Variants in C17orf100 observed in about 807,000 individuals in gnomAD.
C17orf100 encodes the protein chromosome 17 open reading frame 100, also known as uncharacterized protein C17orf100.
C17orf100 carries 1 observed loss-of-function variant against 0.7 expected under a neutral mutation model. That is an observed-to-expected ratio of 1.50 (90% confidence interval 0.53 to 7.13). The LOEUF is 7.13. C17orf100 is among the 30% of genes most tolerant of loss of function. The probability of loss-of-function intolerance (pLI) is 0.14; values close to 1 mark genes in which losing one functional copy is unlikely to be tolerated. For missense variants in C17orf100, 168 were observed against 171.5 expected, an observed-to-expected ratio of 0.98 and a Z score of 0.11; for synonymous variants, 87 against 84.0, an observed-to-expected ratio of 1.04 and a Z score of -0.20.
rs181340378 is a variant in C17orf100, at chr17:6,652,077, C to A, written c.164C>A (p.Pro55His). 1.3e-5 allele frequency: 20 copies of A among 1,572,218 alleles called. No homozygotes were observed. Among genetic ancestry groups the A allele is most frequent in the Non-Finnish European group, 1.6e-5 (19 of 1,162,546 alleles). ...CGCAGCGAGGGGCCCTCCCTCTCCC[C>A]CTCGGGGAAGCGGCTCCCTCGCATC... ...QRRSEGPSLS[P>H]SGKRLPRILE... The change falls in exon 1 of 1, where the codon CCC becomes CAC. Residue 55 changes from proline to histidine, a missense_variant. Pro to His is a moderately conservative substitution (Grantham distance 77, BLOSUM62 -2). Transcript: ENST00000542475.
rs561680716 is a variant in C17orf100, at chr17:6,653,370, G to C, written c.*1100G>C. 1 of 162,894 alleles carries C rather than the reference G, an allele frequency of 6.1e-6. No individual in the cohort carries two copies. Among genetic ancestry groups the C allele is most frequent in the African/African-American group, 2.4e-5 (1 of 41,582 alleles). 10.1% of individuals were successfully genotyped at this position (162,894 alleles called of 1,614,324 possible). On this transcript the variant is annotated 3_prime_UTR_variant, in exon 1 of 1. Coordinates refer to ENST00000542475, the MANE Select transcript of C17orf100 (RefSeq NM_001105520.2). Reference sequence around the variant, plus strand: ...TAAAAAAGGCAAAGTCCCAGCTCTAGTGGAGCTTACACTCTGGTGAAAAGG... The same window carrying C: ...TAAAAAAGGCAAAGTCCCAGCTCTACTGGAGCTTACACTCTGGTGAAAAGG...
In C17orf100 at chr17:6,652,108, G is replaced by A; in HGVS notation, c.195G>A (p.Glu65=). The change falls in exon 1 of 1, where the codon GAG becomes GAA. Residue 65 remains glutamate, a synonymous_variant. Coordinates refer to ENST00000542475, the MANE Select transcript of C17orf100 (RefSeq NM_001105520.2). The part of the protein sequence containing the change: ...PSGKRLPRIL[E]ASSRHVESSS... ...GGAAGCGGCTCCCTCGCATCCTCGA[G>A]GCGTCCTCCCGGCACGTGGAATCCT... 1 of 1,587,702 alleles carries A rather than the reference G, an allele frequency of 6.3e-7. No individual in the cohort carries two copies. The highest frequency in any genetic ancestry group is 1.1e-5 in the South Asian group (1 of 88,146).
In C17orf100 at chr17:6,652,424, G is replaced by T. The variant is rs148446783; in HGVS notation, c.*154G>T. ...AATCAATGTAAGAAACAGCCAAGCC[G>T]CAGTTTCTGAACACAGCCAACGTTT... On this transcript the variant is annotated 3_prime_UTR_variant, in exon 1 of 1. Transcript: ENST00000542475. 26 of 1,499,552 alleles carry T rather than the reference G, an allele frequency of 1.7e-5. No individual in the cohort carries two copies. The East Asian group carries it at 5.4e-4, about 31-fold the overall frequency. The allele number at this position is 1,499,552 out of a possible 1,614,324, so 92.9% of individuals were successfully genotyped here.
At position 6,652,326 on chromosome 17, in the gene C17orf100, G is replaced by T; in HGVS notation, c.*56G>T. ...CAGGGCCCTCAGCCAGGACAGAAAG[G>T]CCTCCAGTTGCCAGCCAGCCAGCCA... On this transcript the variant is annotated 3_prime_UTR_variant, in exon 1 of 1. Transcript: ENST00000542475. 1 of 1,599,316 alleles carries T rather than the reference G, an allele frequency of 6.3e-7. No individual in the cohort carries two copies. The highest frequency in any genetic ancestry group is 8.5e-7 in the Non-Finnish European group (1 of 1,174,304).
rs1972848095 is a variant in C17orf100 at position 6,652,105 on chromosome 17, C to T, written c.192C>T (p.Leu64=). ...SPSGKRLPRI[L]EASSRHVESS... Reference sequence around the variant, plus strand: ...CGGGGAAGCGGCTCCCTCGCATCCTCGAGGCGTCCTCCCGGCACGTGGAAT... The same window carrying T: ...CGGGGAAGCGGCTCCCTCGCATCCTTGAGGCGTCCTCCCGGCACGTGGAAT... The change falls in exon 1 of 1, where the codon CTC becomes CTT. Residue 64 remains leucine (L), a synonymous_variant. Coordinates refer to ENST00000542475, the MANE Select transcript of C17orf100 (RefSeq NM_001105520.2). The T allele has an allele frequency of 4.4e-6, 7 of 1,585,964 alleles. No homozygotes were observed. The East Asian group carries it at 6.9e-5, about 16-fold the overall frequency.
At position 6,652,441 on chromosome 17, in the gene C17orf100, C is replaced by T; in HGVS notation, c.*171C>T. On this transcript the variant is annotated 3_prime_UTR_variant, in exon 1 of 1. Transcript: ENST00000542475. ...GCCAAGCCGCAGTTTCTGAACACAG[C>T]CAACGTTTACTGACCGTCCTGCGTC... The T allele has an allele frequency of 2.0e-6, 3 of 1,483,164 alleles. No individual in the cohort carries two copies. The highest frequency in any genetic ancestry group is 1.8e-4 in the Middle Eastern group (1 of 5,640). The allele number at this position is 1,483,164 out of a possible 1,614,324, so 91.9% of individuals were successfully genotyped here. A position where few individuals can be genotyped will look rare whatever the true frequency, so the allele number is the denominator to read the frequency against.
chr17:6,651,843 C>T lies in C17orf100; in HGVS notation c.-71C>T. The stretch of plus-strand genomic sequence containing the variant: ...GCTATGGCAGTACCGTAGTTTTCCT[C>T]TCTTCTGCCTGCGGTGACCATTGGG... On this transcript the variant is annotated 5_prime_UTR_variant, in exon 1 of 1. Coordinates refer to ENST00000542475, the MANE Select transcript of C17orf100 (RefSeq NM_001105520.2). 6.9e-7 allele frequency: 1 copy of T among 1,446,594 alleles called. No homozygotes were observed. The highest frequency in any genetic ancestry group is 9.1e-7 in the Non-Finnish European group (1 of 1,102,116). The allele number at this position is 1,446,594 out of a possible 1,614,324, so 89.6% of individuals were successfully genotyped here. A position where few individuals can be genotyped will look rare whatever the true frequency, so the allele number is the denominator to read the frequency against.
Position 6,651,803 on chromosome 17 carries a change from G to A in C17orf100, c.-111G>A. The A allele has an allele frequency of 6.9e-7, 1 of 1,442,692 alleles. No homozygotes were observed. The highest frequency in any genetic ancestry group is 9.1e-7 in the Non-Finnish European group (1 of 1,103,074). The allele number at this position is 1,442,692 out of a possible 1,614,324, so 89.4% of individuals were successfully genotyped here. A position where few individuals can be genotyped will look rare whatever the true frequency, so the allele number is the denominator to read the frequency against. The stretch of plus-strand genomic sequence containing the variant: ...GACCATGGTGCTTCCACGTCATCGT[G>A]TTGTGGCGCTCCCGGCTATGGCAGT... On this transcript the variant is annotated 5_prime_UTR_variant, in exon 1 of 1. Transcript: ENST00000542475.
chr17:6,652,376 C>T lies in C17orf100; in HGVS notation c.*106C>T. On this transcript the variant is annotated 3_prime_UTR_variant, in exon 1 of 1. Coordinates refer to ENST00000542475, the MANE Select transcript of C17orf100 (RefSeq NM_001105520.2). ...AGCTGCCAGGTGGACCAATCATTTT[C>T]GGTTTCATGGAAACAAACCATAAAT... The T allele has an allele frequency of 6.5e-7, 1 of 1,547,690 alleles. No individual in the cohort carries two copies. The highest frequency in any genetic ancestry group is 8.7e-7 in the Non-Finnish European group (1 of 1,148,574).
At position 6,651,926 on chromosome 17, in the gene C17orf100, C is replaced by G; in HGVS notation, c.13C>G (p.Arg5Gly). MASA[R>G]GAKQSSPRVG... ...TCACGCCGGCAGAATGGCCTCAGCC[C>G]GAGGGGCCAAGCAGTCTTCGCCCCG... is the stretch of plus-strand genomic sequence containing the variant. Residue 5 changes from arginine to glycine, a missense_variant, in exon 1 of 1, where the codon CGA (arginine) becomes GGA (glycine). Coordinates refer to ENST00000542475, the MANE Select transcript of C17orf100 (RefSeq NM_001105520.2). 6.7e-7 allele frequency: 1 copy of G among 1,493,886 alleles called. No homozygotes were observed. The highest frequency in any genetic ancestry group is 9.0e-7 in the Non-Finnish European group (1 of 1,116,680). 92.5% of individuals were successfully genotyped at this position (1,493,886 alleles called of 1,614,324 possible).
In C17orf100 at chr17:6,653,245, A is replaced by C. The variant is rs1470029912; in HGVS notation, c.*975A>C. 6.0e-6 allele frequency: 1 copy of C among 167,118 alleles called. No individual in the cohort carries two copies. Among genetic ancestry groups the C allele is most frequent in the Admixed American group, 6.5e-5 (1 of 15,292 alleles). The allele number at this position is 167,118 out of a possible 1,614,324, so 10.4% of individuals were successfully genotyped here. On this transcript the variant is annotated 3_prime_UTR_variant, in exon 1 of 1. Transcript: ENST00000542475. ...TAAGAGTACTTAAAGTACTATTTCT[A>C]CTGAATGTCACTTTTGTACCATTGT... is the stretch of plus-strand genomic sequence containing the variant.
In C17orf100 at chr17:6,652,693, A is replaced by C; in HGVS notation, c.*423A>C. 1 of 229,692 alleles carries C rather than the reference A, an allele frequency of 4.4e-6. No individual in the cohort carries two copies. Among genetic ancestry groups the C allele is most frequent in the Non-Finnish European group, 9.1e-6 (1 of 109,400 alleles). The allele number at this position is 229,692 out of a possible 1,614,324, so 14.2% of individuals were successfully genotyped here. A position where few individuals can be genotyped will look rare whatever the true frequency, so the allele number is the denominator to read the frequency against. On this transcript the variant is annotated 3_prime_UTR_variant, in exon 1 of 1. Coordinates refer to ENST00000542475, the MANE Select transcript of C17orf100 (RefSeq NM_001105520.2). The stretch of plus-strand genomic sequence containing the variant: ...GTGGAATGATTCCATGCCTGCTAAA[A>C]ACTCGAGGGACAAGGAACAGACTCA...
Position 6,652,357 on chromosome 17 carries a change from C to G in C17orf100, c.*87C>G, listed in dbSNP as rs1389012918. ...AGTTGCCAGCCAGCCAGCCAGCTGC[C>G]AGGTGGACCAATCATTTTCGGTTTC... On this transcript the variant is annotated 3_prime_UTR_variant, in exon 1 of 1. Coordinates refer to ENST00000542475, the MANE Select transcript of C17orf100 (RefSeq NM_001105520.2). 12 of 1,568,750 alleles carry G rather than the reference C, an allele frequency of 7.6e-6. No homozygotes were observed. The highest frequency in any genetic ancestry group is 1.0e-5 in the Non-Finnish European group (12 of 1,159,412).
chr17:6,652,947 G>A lies in C17orf100; in HGVS notation c.*677G>A, dbSNP rs575703422. 6.0e-6 allele frequency: 1 copy of A among 167,318 alleles called. No individual in the cohort carries two copies. Among genetic ancestry groups the A allele is most frequent in the South Asian group, 2.1e-4 (1 of 4,828 alleles). The allele number at this position is 167,318 out of a possible 1,614,324, so 10.4% of individuals were successfully genotyped here. On this transcript the variant is annotated 3_prime_UTR_variant, in exon 1 of 1. Coordinates refer to ENST00000542475, the MANE Select transcript of C17orf100 (RefSeq NM_001105520.2). ...GATGGAGAAGAGTTATATTTATTGA[G>A]AACCGGCTCTGTGCCAGGCACTAGA...
At position 6,651,960 on chromosome 17, in the gene C17orf100, C is replaced by A. The variant is rs1417725244; in HGVS notation, c.47C>A (p.Thr16Asn). ...GAKQSSPRVG[T>N]TRYTETSTVR... ...AAGCAGTCTTCGCCCCGGGTGGGGA[C>A]CACCCGCTACACAGAGACGTCCACG... The change falls in exon 1 of 1, where the codon ACC (threonine) becomes AAC (asparagine). Residue 16 changes from threonine to asparagine, a missense_variant. Transcript: ENST00000542475. 2 of 1,533,306 alleles carry A rather than the reference C, an allele frequency of 1.3e-6. No homozygotes were observed. Among genetic ancestry groups the A allele is most frequent in the African/African-American group, 2.7e-5 (2 of 72,920 alleles). The allele number at this position is 1,533,306 out of a possible 1,614,324, so 95.0% of individuals were successfully genotyped here.
Position 6,651,979 on chromosome 17 carries a change from G to T in C17orf100, c.66G>T (p.Thr22=), listed in dbSNP as rs774237233. The T allele has an allele frequency of 1.3e-6, 2 of 1,550,650 alleles. No individual in the cohort carries two copies. The highest frequency in any genetic ancestry group is 1.7e-6 in the Non-Finnish European group (2 of 1,146,488). ...TGGGGACCACCCGCTACACAGAGAC[G>T]TCCACGGTCCGCGTGGAGACCTCGT... The part of the protein sequence containing the change: ...PRVGTTRYTE[T]STVRVETSSH... Residue 22 remains threonine (T), a synonymous_variant, in exon 1 of 1, where the codon ACG becomes ACT. Coordinates refer to ENST00000542475, the MANE Select transcript of C17orf100 (RefSeq NM_001105520.2).
Position 6,652,694 on chromosome 17 carries a change from A to C in C17orf100, c.*424A>C. 4.5e-6 allele frequency: 1 copy of C among 223,650 alleles called. No individual in the cohort carries two copies. The highest frequency in any genetic ancestry group is 9.5e-6 in the Non-Finnish European group (1 of 105,816). 13.9% of individuals were successfully genotyped at this position (223,650 alleles called of 1,614,324 possible). A position where few individuals can be genotyped will look rare whatever the true frequency, so the allele number is the denominator to read the frequency against. On this transcript the variant is annotated 3_prime_UTR_variant, in exon 1 of 1. Transcript: ENST00000542475. ...TGGAATGATTCCATGCCTGCTAAAA[A>C]CTCGAGGGACAAGGAACAGACTCAT...
Position 6,652,698 on chromosome 17 carries a change from G to C in C17orf100, c.*428G>C, listed in dbSNP as rs897367120. On this transcript the variant is annotated 3_prime_UTR_variant, in exon 1 of 1. Transcript: ENST00000542475. ...ATGATTCCATGCCTGCTAAAAACTC[G>C]AGGGACAAGGAACAGACTCATAAAT... 8.8e-6 allele frequency: 2 copies of C among 227,830 alleles called. No homozygotes were observed. The highest frequency in any genetic ancestry group is 2.4e-5 in the African/African-American group (1 of 42,504). The allele number at this position is 227,830 out of a possible 1,614,324, so 14.1% of individuals were successfully genotyped here. A position where few individuals can be genotyped will look rare whatever the true frequency, so the allele number is the denominator to read the frequency against.
Position 6,652,554 on chromosome 17 carries a change from G to T in C17orf100, c.*284G>T. 1 of 1,307,062 alleles carries T rather than the reference G, an allele frequency of 7.7e-7. No individual in the cohort carries two copies. Among genetic ancestry groups the T allele is most frequent in the Non-Finnish European group, 1.0e-6 (1 of 998,556 alleles). The allele number at this position is 1,307,062 out of a possible 1,614,324, so 81.0% of individuals were successfully genotyped here. A position where few individuals can be genotyped will look rare whatever the true frequency, so the allele number is the denominator to read the frequency against. ...CAGGCCCAGGATGCTGTCTAAATCG[G>T]GTTGATGGACAAAGAGAGGCTGTTT... On this transcript the variant is annotated 3_prime_UTR_variant, in exon 1 of 1. Transcript: ENST00000542475.
Sources: gnomAD v4.1 joint callset for allele counts on GRCh38, gnomAD v4.1.1 for gene constraint, MANE v1.5 for transcripts, NCBI Gene and HGNC (gene_info 2026-07-23, HGNC 2026-07-21) for gene names.